Variants in PITPNC1 observed in about 807,000 individuals in gnomAD.
PITPNC1 encodes the protein phosphatidylinositol transfer protein cytoplasmic 1, also known as cytoplasmic phosphatidylinositol transfer protein 1.
PITPNC1 carries 18 observed loss-of-function variants against 44.7 expected under a neutral mutation model. The observed-to-expected ratio is 0.40, with a 90% confidence interval of 0.28 to 0.60. The LOEUF is 0.60. Ranked by LOEUF, PITPNC1 falls within the 20% of genes least tolerant of loss-of-function variation. PITPNC1 has a pLI of 0.39. For missense variants in PITPNC1, 290 were observed against 418.4 expected, an observed-to-expected ratio of 0.69 and a Z score of 2.68; for synonymous variants, 141 against 149.6, an observed-to-expected ratio of 0.94 and a Z score of 0.42.
chr17:67,433,841 G>T (rs2038894454), intron 1 of PITPNC1, among the ~76,000 whole-genome samples: 1 of 152,092 alleles, frequency 6.6e-6, no homozygotes, highest in African/African-American at 2.4e-5. Context: ...TAGCGTGCAA[G>T]GATCACCCCT....
intron 6 of PITPNC1, among the ~76,000 whole-genome samples, chr17:67,644,753 A>G (rs1028289445): frequency 2.8e-4 from 42 of 152,258 alleles, no homozygotes; most frequent in African/African-American, 9.6e-4. Context: ...AAAACAGGCA[A>G]TGAGTCCACA....
intron 6 of PITPNC1, among the ~76,000 whole-genome samples, chr17:67,662,367 T>C (rs191521133): frequency 5.6e-4 from 85 of 152,092 alleles, no homozygotes; most frequent in Non-Finnish European, 9.3e-4. Flanking sequence ...GGCAGAAGAA[T>C]TGCTTGAACC....
At chr17:67,605,944 GT>G (rs1174773994) in intron 5 of PITPNC1, among the ~76,000 whole-genome samples, 1 of 152,240 alleles carries the variant, frequency 6.6e-6, no homozygotes, top group African/African-American at 2.4e-5. Context: ...GTTGAGAGAT[GT>G]TTTTAATACA....
chr17:67,427,526 T>C (rs931277031), intron 1 of PITPNC1, among the ~76,000 whole-genome samples: 11 of 152,184 alleles, frequency 7.2e-5, no homozygotes, highest in African/African-American at 2.7e-4. Context: ...TTTCTCACTA[T>C]GAAAACCTCC....
chr17:67,636,281 C>CAA (rs4020398), intron 6 of PITPNC1, among the ~76,000 whole-genome samples: 859 of 77,232 alleles, frequency 0.011, 14 homozygotes, highest in African/African-American at 0.033. Context: ...GACTCCGTTT[C>CAA]AAAAAAAAAA....
At chr17:67,411,998 G>A (rs1245933108) in intron 1 of PITPNC1, among the ~76,000 whole-genome samples, 2 of 152,048 alleles carry the variant, frequency 1.3e-5, no homozygotes, top group South Asian at 4.2e-4. Flanking sequence ...ATGGTTTAGG[G>A]AGTCAAACAG....
chr17:67,553,029 C>A (rs1236803368), intron 3 of PITPNC1, among the ~76,000 whole-genome samples: 1 of 152,112 alleles, frequency 6.6e-6, no homozygotes, highest in African/African-American at 2.4e-5. Flanking sequence ...TCTCTCTTTG[C>A]CCCCAGATGA....
At chr17:67,567,516 G>A (rs957198920) in intron 4 of PITPNC1, among the ~76,000 whole-genome samples, 5 of 151,366 alleles carry the variant, frequency 3.3e-5, no homozygotes, top group East Asian at 2.0e-4. Flanking sequence ...GCGACGAGAC[G>A]TGCTATCAAG....
chr17:67,379,424 A>G, intron 1 of PITPNC1: 1 of 960,950 alleles, frequency 1.0e-6, no homozygotes, highest in Non-Finnish European at 1.2e-6. Flanking sequence ...AGACAAGATC[A>G]AAGTAGCTGC....
intron 1 of PITPNC1, among the ~76,000 whole-genome samples, chr17:67,491,714 C>T (rs759174221): frequency 6.6e-6 from 1 of 152,214 alleles, no homozygotes; most frequent in South Asian, 2.1e-4. Context: ...TGCCTGTAGT[C>T]CTAGCTACTT....
intron 8 of PITPNC1, 104 bp downstream of exon 8, chr17:67,675,646 A>G: frequency 1.3e-6 from 1 of 766,462 alleles, no homozygotes; most frequent in Non-Finnish European, 2.4e-6. Context: ...CAACAAAGGC[A>G]AGGCCGCTGC....
In PITPNC1 at chr17:67,513,693, C is replaced by T. The variant is rs78640673; in HGVS notation, c.49-19109C>T. ...TCCCAGTGCAATCAATGAGTGGTCA[C>T]GTGTGTGTCAGTACAGCAAAGACCA... On this transcript the variant is annotated intron_variant, in intron 1 of 8. Transcript: ENST00000581322. Among the ~76,000 whole-genome samples, 42 of 151,866 alleles carry T rather than the reference C, an allele frequency of 2.8e-4. No individual in the cohort carries two copies. In the East Asian group the frequency reaches 7.8e-3, roughly 28 times the overall value.
intron 5 of PITPNC1, among the ~76,000 whole-genome samples, chr17:67,617,576 AT>A (rs2041776354): frequency 6.6e-6 from 1 of 152,132 alleles, no homozygotes; most frequent in Admixed American, 6.5e-5. Flanking sequence ...ATCATCACAA[AT>A]TGGGTGGTTT....
chr17:67,522,657 A>ATATTTTTTTTTTTTTTTTTTTTTTTT, intron 1 of PITPNC1, among the ~76,000 whole-genome samples: 1 of 59,984 alleles, frequency 1.7e-5, no homozygotes, highest in African/African-American at 1.0e-4. Flanking sequence ...TACCATTTTA[A>ATATTTTTTTTTTTTTTTTTTTTTTTT]TCTTTTTTTT....
intron 1 of PITPNC1, among the ~76,000 whole-genome samples, chr17:67,461,694 A>G (rs1223141482): frequency 6.6e-6 from 1 of 152,172 alleles, no homozygotes; most frequent in Non-Finnish European, 1.5e-5. Context: ...TGGGAGGCCA[A>G]GAGGATCGCT....
chr17:67,501,196 A>G (rs1178528178), intron 1 of PITPNC1, among the ~76,000 whole-genome samples: 1 of 152,210 alleles, frequency 6.6e-6, no homozygotes, highest in Non-Finnish European at 1.5e-5. Flanking sequence ...AGAGGATAGC[A>G]TTTCATGCAT....
At chr17:67,417,687 C>T (rs1307823598) in intron 1 of PITPNC1, among the ~76,000 whole-genome samples, 2 of 152,176 alleles carry the variant, frequency 1.3e-5, no homozygotes, top group Non-Finnish European at 2.9e-5. Flanking sequence ...CTCCCAGTAG[C>T]ACACCTTTGC....
chr17:67,630,865 T>A (rs74412907), intron 5 of PITPNC1, among the ~76,000 whole-genome samples: 26,343 of 150,882 alleles, frequency 0.17, 2,558 homozygotes, highest in East Asian at 0.46. Flanking sequence ...GTGTGCAGCA[T>A]CACGCCCGGC....
At chr17:67,550,194 A>C (rs1406374307) in intron 2 of PITPNC1, among the ~76,000 whole-genome samples, 1 of 152,234 alleles carries the variant, frequency 6.6e-6, no homozygotes, top group Admixed American at 6.5e-5. Flanking sequence ...AAAATTCTGC[A>C]TCAGAGCAGC....
Sources: allele counts gnomAD v4.1 joint callset (sites outside exome capture counted in the v4.1 genomes callset), GRCh38; gene constraint gnomAD v4.1.1; transcripts MANE v1.5; gene names NCBI Gene and HGNC (gene_info 2026-07-23, HGNC 2026-07-21).